Variants in EMB observed in about 807,000 individuals in gnomAD.
EMB encodes embigin homolog.
In EMB, 31 loss-of-function variants were observed where a neutral mutation model predicts 41.4. The observed-to-expected ratio is 0.75, with a 90% CI of 0.56 to 1.01. EMB has a LOEUF of 1.01. Ranked by LOEUF, EMB falls within the 50% of genes least tolerant of loss-of-function variation. EMB has a pLI of 0.00. For synonymous variants in EMB, 137 were observed against 140.4 expected (o/e 0.98, Z 0.17); for missense variants, 379 against 388.3 (o/e 0.98, Z 0.20).
At chr5:50,409,187 C>A (rs1255662245) in intron 4 of EMB, among the ~76,000 whole-genome samples, 1 of 152,200 alleles carries the variant, frequency 6.6e-6, no homozygotes, top group Admixed American at 6.5e-5. Flanking sequence ...AATCAAGAGG[C>A]CTTCCGTGTG....
chr5:50,423,119 G>C (rs1579735801), intron 2 of EMB, among the ~76,000 whole-genome samples: 2 of 149,306 alleles, frequency 1.3e-5, no homozygotes, highest in Non-Finnish European at 3.0e-5. Context: ...AAAAAAGCTA[G>C]ATTCATATGC....
Position 50,399,873 on chromosome 5 carries a change from T to G in EMB, c.952A>C (p.Arg318=). 6.2e-7 allele frequency: 1 copy of G among 1,605,710 alleles called. No individual in the cohort carries two copies. The highest frequency in any genetic ancestry group is 8.5e-7 in the Non-Finnish European group (1 of 1,176,124). The part of the protein sequence containing the change: ...DSNGIENNVP[R]HRKNESLGQ The stretch of plus-strand genomic sequence containing the variant: ...AAGTAACTTACATTTTTTCTATGCC[T>G]GGGGACATTATTTTCTATACCATTG... Residue 318 remains arginine (R), a synonymous_variant, in exon 8 of 9, where the codon AGG becomes CGG. Transcript: ENST00000303221.
chr5:50,441,485 T>A, upstream of EMB: 1 of 199,448 alleles, frequency 5.0e-6, no homozygotes, highest in East Asian at 1.1e-4. Context: ...CTTGGGCAGG[T>A]GATGTCTAGC....
Position 50,441,138 on chromosome 5 carries a change from G to A in EMB, c.14C>T (p.Pro5Leu), listed in dbSNP as rs1242317489. 1.3e-6 allele frequency: 2 copies of A among 1,502,382 alleles called. No individual in the cohort carries two copies. Among genetic ancestry groups the A allele is most frequent in the Admixed American group, 2.1e-5 (1 of 48,160 alleles). The allele number at this position is 1,502,382 out of a possible 1,614,324, so 93.1% of individuals were successfully genotyped here. A position where few individuals can be genotyped will look rare whatever the true frequency, so the allele number is the denominator to read the frequency against. ...ACGCGCCCTGGCCTCCAGCAGGCCG[G>A]GGAGGGCGCGCATGGCGCCAGAGGG... MRALPGLLEARARTP... is the reference protein window; with the variant it reads MRALLGLLEARARTP... The change falls in exon 1 of 9, where the codon CCC (proline) becomes CTC (leucine). Residue 5 changes from proline (P) to leucine (L), a missense_variant. Physicochemically the swap from Pro to Leu is moderately conservative, Grantham distance 98. Transcript: ENST00000303221.
Position 50,441,074 on chromosome 5 carries a change from G to T in EMB, c.78C>A (p.Ala26=). ...RLLLLQCLLA[A]ARPSSADGSA... ...TGCCGTCCGCCGAGCTTGGGCGCGC[G>T]GCAGCGAGAAGGCACTGGAGGAGGA... Residue 26 remains alanine (A), a synonymous_variant, in exon 1 of 9, where the codon GCC becomes GCA. Transcript: ENST00000303221. 2 of 1,512,718 alleles carry T rather than the reference G, an allele frequency of 1.3e-6. No homozygotes were observed. Among genetic ancestry groups the T allele is most frequent in the South Asian group, 1.2e-5 (1 of 80,550 alleles). 93.7% of individuals were successfully genotyped at this position (1,512,718 alleles called of 1,614,324 possible).
rs976108174 is a variant in EMB, at chr5:50,399,418, T to C, written c.967-128A>G. 3.0e-6 allele frequency: 4 copies of C among 1,343,060 alleles called. No individual in the cohort carries two copies. The African/African-American group carries it at 6.0e-5, about 20-fold the overall frequency. The allele number at this position is 1,343,060 out of a possible 1,614,324, so 83.2% of individuals were successfully genotyped here. A position where few individuals can be genotyped will look rare whatever the true frequency, so the allele number is the denominator to read the frequency against. Reference sequence around the variant, plus strand: ...ATCCAATCTACTGCCAAAACAGAGCTCCTACTCTAATGTTGATGAACTAAA... The same window carrying C: ...ATCCAATCTACTGCCAAAACAGAGCCCCTACTCTAATGTTGATGAACTAAA... On this transcript the variant is annotated intron_variant, in intron 8 of 8. Coordinates refer to ENST00000303221, the MANE Select transcript of EMB (RefSeq NM_198449.3).
intron 2 of EMB, among the ~76,000 whole-genome samples, chr5:50,422,117 A>C (rs115588681): frequency 3.6e-4 from 55 of 152,354 alleles, no homozygotes; most frequent in Admixed American, 7.2e-4. Context: ...ACAGATAAAA[A>C]GATATGTTTT....
chr5:50,429,491 T>A (rs796237241), intron 1 of EMB, among the ~76,000 whole-genome samples: 1 of 152,346 alleles, frequency 6.6e-6, no homozygotes, highest in African/African-American at 2.4e-5. Flanking sequence ...CTTTAGAACA[T>A]TGCTTTTACA....
At chr5:50,438,999 C>G (rs1579747951) in intron 1 of EMB, among the ~76,000 whole-genome samples, 1 of 151,698 alleles carries the variant, frequency 6.6e-6, no homozygotes, top group African/African-American at 2.4e-5. Context: ...ACTGTCTAGG[C>G]CATATCATTT....
At chr5:50,426,594 A>T (rs1173748600) in intron 2 of EMB, among the ~76,000 whole-genome samples, 1 of 152,174 alleles carries the variant, frequency 6.6e-6, no homozygotes, top group African/African-American at 2.4e-5. Flanking sequence ...TCTCTACAAG[A>T]TACATTTTAT....
At chr5:50,438,819 A>T (rs1292765885) in intron 1 of EMB, among the ~76,000 whole-genome samples, 2 of 152,202 alleles carry the variant, frequency 1.3e-5, no homozygotes, top group African/African-American at 4.8e-5. Flanking sequence ...CAGAACTTAT[A>T]CCATATACAT....
rs364165 is a variant in EMB at position 50,438,957 on chromosome 5, C to T, written c.112+2083G>A. Among the ~76,000 whole-genome samples, 950 of 150,760 alleles carry T rather than the reference C, an allele frequency of 6.3e-3. 7 individuals carry two copies. The highest frequency in any genetic ancestry group is 0.021 in the African/African-American group (846 of 40,754). The stretch of plus-strand genomic sequence containing the variant: ...TCTCTGCATATCAACTTAACCCTGA[C>T]GCCTATGGAATAAGTATTTACCTAA... On this transcript the variant is annotated intron_variant, in intron 1 of 8. Transcript: ENST00000303221.
intron 2 of EMB, among the ~76,000 whole-genome samples, chr5:50,427,935 T>C (rs1745646720): frequency 6.6e-6 from 1 of 152,162 alleles, no homozygotes; most frequent in Admixed American, 6.5e-5. Flanking sequence ...ATTCTTAGCC[T>C]TGGCATGTCT....
intron 2 of EMB, among the ~76,000 whole-genome samples, chr5:50,415,890 G>A (rs976031455): frequency 1.3e-4 from 20 of 152,148 alleles, no homozygotes; most frequent in African/African-American, 4.1e-4. Context: ...ATATGAATGC[G>A]ATGATAAAAT....
chr5:50,424,966 A>C (rs1457016465), intron 2 of EMB, among the ~76,000 whole-genome samples: 1 of 151,768 alleles, frequency 6.6e-6, no homozygotes, highest in Non-Finnish European at 1.5e-5. Flanking sequence ...ACTTTCTCTG[A>C]CTCTCTATGA....
At chr5:50,416,141 C>T (rs1273342761) in intron 2 of EMB, among the ~76,000 whole-genome samples, 2 of 152,152 alleles carry the variant, frequency 1.3e-5, no homozygotes, top group Admixed American at 1.3e-4. Context: ...TACCTTTTTA[C>T]ATATTTTGTG....
intron 2 of EMB, among the ~76,000 whole-genome samples, chr5:50,419,149 T>C (rs1253032371): frequency 1.3e-5 from 2 of 152,230 alleles, no homozygotes; most frequent in Admixed American, 1.3e-4. Flanking sequence ...AGCCAGTCCC[T>C]GGCCCTGTAT....
At chr5:50,413,583 T>C (rs535094149) in intron 2 of EMB, among the ~76,000 whole-genome samples, 1 of 151,320 alleles carries the variant, frequency 6.6e-6, no homozygotes, top group South Asian at 2.1e-4. Context: ...TTTCTTTCTT[T>C]CTTTTTTTTT....
chr5:50,407,790 T>C (rs1226850066), intron 4 of EMB, among the ~76,000 whole-genome samples: 2 of 151,780 alleles, frequency 1.3e-5, no homozygotes, highest in African/African-American at 4.8e-5. Flanking sequence ...TGCATACGAG[T>C]GCTACGGTTG....
Sources: allele counts gnomAD v4.1 joint callset (sites outside exome capture counted in the v4.1 genomes callset), GRCh38; gene constraint gnomAD v4.1.1; transcripts MANE v1.5; gene names NCBI Gene and HGNC (gene_info 2026-07-23, HGNC 2026-07-21).